The following THADA variants were observed in gnomAD, a reference collection of about 807,000 sequenced individuals.
THADA encodes THADA armadillo repeat containing, also known as tRNA (32-2'-O)-methyltransferase regulator THADA.
Under a neutral mutation model 219.8 loss-of-function variants are expected in THADA, and 213 were observed. The observed-to-expected ratio is 0.97, with a 90% CI of 0.87 to 1.09. The LOEUF is 1.09. Among genes scored for constraint, THADA ranks in the 50% least tolerant of loss-of-function variants. The pLI is 0.00. For missense variants in THADA, 2,956 were observed against 2,311.3 expected (o/e 1.28, Z -5.72); for synonymous variants, 1,018 against 828.9 (o/e 1.23, Z -3.92).
At chr2:43,433,564 C>A (rs1025349259) in intron 26 of THADA, among the ~76,000 whole-genome samples, 1 of 152,084 alleles carries the variant, frequency 6.6e-6, no homozygotes, top group Admixed American at 6.6e-5. Flanking sequence ...AGGAGATGTG[C>A]TGTGCTCATA....
At chr2:43,417,191 C>T (rs1056157147) in intron 28 of THADA, among the ~76,000 whole-genome samples, 6 of 150,966 alleles carry the variant, frequency 4.0e-5, no homozygotes, top group African/African-American at 1.5e-4. Flanking sequence ...TCTAGCAACC[C>T]TAAAGATTTT....
intron 26 of THADA, 61 bp from the exon 27 acceptor site, chr2:43,430,363 C>A: frequency 1.1e-6 from 1 of 918,316 alleles, no homozygotes; most frequent in Non-Finnish European, 1.6e-6. Context: ...ACAATAAAGC[C>A]TTTTTTTTAA....
chr2:43,421,514 C>T (rs1677716782), intron 28 of THADA, among the ~76,000 whole-genome samples: 1 of 152,154 alleles, frequency 6.6e-6, no homozygotes, highest in Admixed American at 6.5e-5. Context: ...GACCCCTGTA[C>T]TCTCTCTCCA....
chr2:43,560,534 T>C, intron 15 of THADA, 149 bp from the exon 16 acceptor site: 1 of 476,814 alleles, frequency 2.1e-6, no homozygotes, highest in Non-Finnish European at 3.5e-6. Context: ...ACTTTTCCAT[T>C]AATTTATTTC....
At chr2:43,278,112 AGCTAATTTT>A (rs1672935271) in intron 36 of THADA, among the ~76,000 whole-genome samples, 1 of 151,956 alleles carries the variant, frequency 6.6e-6, no homozygotes, top group South Asian at 2.1e-4. Flanking sequence ...CACCATGCCC[AGCTAATTTT>A]TCTATTTTTA....
chr2:43,405,931 G>C (rs1412717630), intron 28 of THADA, among the ~76,000 whole-genome samples: 2 of 152,188 alleles, frequency 1.3e-5, no homozygotes, highest in Admixed American at 6.5e-5. Context: ...ACTGTAGTGT[G>C]TGACCCCTTG....
At chr2:43,253,797 T>C (rs1670045033) in intron 36 of THADA, among the ~76,000 whole-genome samples, 2 of 152,178 alleles carry the variant, frequency 1.3e-5, no homozygotes, top group Non-Finnish European at 2.9e-5. Context: ...GCTGAATTAA[T>C]GTTAATGTGT....
At chr2:43,289,264 C>T (rs1253330668) in intron 34 of THADA, among the ~76,000 whole-genome samples, 1 of 152,216 alleles carries the variant, frequency 6.6e-6, no homozygotes, top group Non-Finnish European at 1.5e-5. Context: ...CGTTCTTTCA[C>T]TTTTTCTAGA....
rs749672305 is a variant in THADA at position 43,541,150 on chromosome 2, G to C, written c.3264+9C>G. 4.6e-6 allele frequency: 7 copies of C among 1,536,678 alleles called. No individual in the cohort carries two copies. The East Asian group carries it at 1.4e-4, about 32-fold the overall frequency. On this transcript the variant is annotated intron_variant, in intron 21 of 37. Coordinates refer to ENST00000405975, the MANE Select transcript of THADA (RefSeq NM_022065.5). ...AAATTATACATGGTGGAATAAACAT[G>C]TGCCTTACCTGCTCCACCGTCAATA... is the stretch of plus-strand genomic sequence containing the variant.
intron 25 of THADA, among the ~76,000 whole-genome samples, chr2:43,497,851 C>A (rs2105057747): frequency 6.6e-6 from 1 of 152,204 alleles, no homozygotes; most frequent in South Asian, 2.1e-4. Context: ...CACCACTGCA[C>A]TCCAGCCTGG....
chr2:43,295,642 T>A (rs1208745205), intron 31 of THADA, among the ~76,000 whole-genome samples: 2 of 152,266 alleles, frequency 1.3e-5, no homozygotes, highest in Non-Finnish European at 2.9e-5. Context: ...TTTATATTTA[T>A]CATCTCATTA....
At chr2:43,531,844 C>G (rs183586985) in intron 21 of THADA, among the ~76,000 whole-genome samples, 63 of 152,028 alleles carry the variant, frequency 4.1e-4, no homozygotes, top group Non-Finnish European at 7.4e-4. Context: ...CTAGTCTTTT[C>G]CTTTTTTTCG....
intron 36 of THADA, among the ~76,000 whole-genome samples, chr2:43,269,627 C>G (rs1282260695): frequency 6.6e-6 from 1 of 152,258 alleles, no homozygotes; most frequent in African/African-American, 2.4e-5. Context: ...TGCCCACCCA[C>G]TGCAGCTGGC....
intron 29 of THADA, among the ~76,000 whole-genome samples, chr2:43,391,321 G>C (rs918827999): frequency 2.6e-5 from 4 of 152,070 alleles, no homozygotes; most frequent in Non-Finnish European, 5.9e-5. Context: ...CTGATACTCT[G>C]AGTTCTGAGC....
chr2:43,445,720 T>C (rs189866702), intron 26 of THADA, among the ~76,000 whole-genome samples: 65 of 152,300 alleles, frequency 4.3e-4, no homozygotes, highest in African/African-American at 1.5e-3. Context: ...TCACCCAGGC[T>C]AAGAGTGCGG....
intron 26 of THADA, among the ~76,000 whole-genome samples, chr2:43,450,919 G>A (rs551913220): frequency 1.3e-5 from 2 of 152,308 alleles, no homozygotes; most frequent in East Asian, 1.9e-4. Flanking sequence ...ACAGAAAGTA[G>A]AATGGTGGTT....
At position 43,293,266 on chromosome 2, in the gene THADA, A is replaced by T. The variant is rs565108221; in HGVS notation, c.4439-53T>A. 7 of 1,542,618 alleles carry T rather than the reference A, an allele frequency of 4.5e-6. No homozygotes were observed. The South Asian group carries it at 8.6e-5, about 19-fold the overall frequency. ...AGAGATAATCACTTTAAATTTCCAC[A>T]AAAGGACATGAAAGAATGAAGACTG... On this transcript the variant is annotated intron_variant, in intron 31 of 37. Coordinates refer to ENST00000405975, the MANE Select transcript of THADA (RefSeq NM_022065.5).
rs201598481 is a variant in THADA, at chr2:43,231,037, C to T, written c.5773G>A (p.Glu1925Lys). 5.7e-4 allele frequency: 927 copies of T among 1,614,002 alleles called. 2 individuals are homozygous for T. The highest frequency in any genetic ancestry group is 8.2e-4 in the Middle Eastern group (5 of 6,062). ...LRLLAFLEGK[E>K]GEDTLVLSVW... ...CTGAGAACTAGGGTGTCTTCCCCTT[C>T]CTTTCCTTCCAAAAAGGCCAGCAGC... Residue 1925 changes from glutamate to lysine, a missense_variant, in exon 38 of 38, where the codon GAA becomes AAA. Transcript: ENST00000405975.
At chr2:43,349,759 TA>T in intron 29 of THADA, among the ~76,000 whole-genome samples, 3 of 152,228 alleles carry the variant, frequency 2.0e-5, no homozygotes, top group Non-Finnish European at 4.4e-5. Flanking sequence ...TCGTAATCAT[TA>T]AAAACCTCAA....
Sources: gnomAD v4.1 joint callset for allele counts (sites outside exome capture counted in the v4.1 genomes callset) on GRCh38, gnomAD v4.1.1 for gene constraint, MANE v1.5 for transcripts, NCBI Gene and HGNC (gene_info 2026-07-23, HGNC 2026-07-21) for gene names.